MAPT: variants seen among roughly 807,000 people sequenced by gnomAD.
The protein encoded by MAPT is microtubule-associated protein tau.
In MAPT, 34 loss-of-function variants were observed where a neutral mutation model predicts 67.9. The observed-to-expected ratio is 0.50, with a 90% CI of 0.38 to 0.67. The LOEUF (loss-of-function observed/expected upper bound fraction) is 0.67, where lower values mean the gene tolerates loss of function less well. Ranked by LOEUF, MAPT falls within the 30% of genes least tolerant of loss-of-function variation. The pLI is 0.00. For synonymous variants in MAPT, 456 were observed against 464.5 expected (o/e 0.98, Z 0.23); for missense variants, 881 against 1,115.2 (o/e 0.79, Z 2.99).
chr17:45,981,894 T>C (rs1055308508), intron 4 of MAPT, among the ~76,000 whole-genome samples: 1 of 151,652 alleles, frequency 6.6e-6, no homozygotes, highest in African/African-American at 2.4e-5. Context: ...GTGGCATGCA[T>C]CTGTGGTCCC....
intron 1 of MAPT, among the ~76,000 whole-genome samples, chr17:45,958,512 G>A (rs949400745): frequency 2.6e-5 from 4 of 152,242 alleles, no homozygotes; most frequent in African/African-American, 7.2e-5. Context: ...TTGATCCCAG[G>A]AGTTCCAACA....
At chr17:45,946,615 A>AAAAAAAAAAAATAT in intron 1 of MAPT, among the ~76,000 whole-genome samples, 2 of 100,406 alleles carry the variant, frequency 2.0e-5, no homozygotes, top group African/African-American at 8.7e-5. Flanking sequence ...AAAAAAAAAA[A>AAAAAAAAAAAATAT]ATATATATAT....
At chr17:46,023,803 C>T (rs956432269) in intron 12 of MAPT, among the ~76,000 whole-genome samples, 153 bp from the exon 13 acceptor site, 2 of 152,114 alleles carry the variant, frequency 1.3e-5, no homozygotes, top group African/African-American at 4.8e-5. Flanking sequence ...ATTGTGCCAC[C>T]GCACTCTAGC....
At chr17:45,960,835 AG>A (rs1322609086) in intron 1 of MAPT, among the ~76,000 whole-genome samples, 1 of 47,956 alleles carries the variant, frequency 2.1e-5, no homozygotes, top group Non-Finnish European at 5.2e-5. Context: ...GATTATTCAC[AG>A]GGGCCAAAAA....
intron 9 of MAPT, chr17:45,999,349 C>A (rs574221726): frequency 1.2e-6 from 2 of 1,614,010 alleles, no homozygotes; most frequent in African/African-American, 2.7e-5. Flanking sequence ...GTGGCCGGCC[C>A]TCATTGAATG....
intron 4 of MAPT, among the ~76,000 whole-genome samples, chr17:45,982,350 G>A (rs1165641240): frequency 2.4e-5 from 3 of 124,534 alleles, no homozygotes; most frequent in African/African-American, 8.9e-5. Context: ...GGGGGGCGGG[G>A]GCAGGAGAAC....
chr17:46,026,078 A>C lies in MAPT; in HGVS notation c.*1907A>C, dbSNP rs2076793313. ...GCTTGGATTCACCAGAGTGACTATG[A>C]TAGTGAAAAGAAAAAAAAAAAAAAA... is the stretch of plus-strand genomic sequence containing the variant. On this transcript the variant is annotated 3_prime_UTR_variant, in exon 13 of 13. Coordinates refer to ENST00000262410, the MANE Select transcript of MAPT (RefSeq NM_001377265.1). 7.6e-6 allele frequency: 1 copy of C among 131,542 alleles called. No homozygotes were observed. Among genetic ancestry groups the C allele is most frequent in the Non-Finnish European group, 1.7e-5 (1 of 59,654 alleles). 8.1% of individuals were successfully genotyped at this position (131,542 alleles called of 1,614,324 possible).
chr17:46,001,532 G>A (rs1009615828), intron 9 of MAPT, among the ~76,000 whole-genome samples: 34 of 152,116 alleles, frequency 2.2e-4, no homozygotes, highest in Admixed American at 5.9e-4. Flanking sequence ...GCGCGGTGGC[G>A]CATGCCTGTA....
rs1290072105 is a variant in MAPT, at chr17:46,001,812, A to C, written c.1998+5148A>C. Among the ~76,000 whole-genome samples the C allele has an allele frequency of 9.8e-5, 15 of 152,306 alleles. No homozygotes were observed. In the East Asian group the frequency reaches 2.7e-3, roughly 27 times the overall value. On this transcript the variant is annotated intron_variant, in intron 9 of 12. Coordinates refer to ENST00000262410, the MANE Select transcript of MAPT (RefSeq NM_001377265.1). ...CCAGGGGACAGGGGCAGGTGAGCAG[A>C]GAAACAGGGCCAGTCACAGCAGCAG...
intron 4 of MAPT, chr17:45,980,651 G>T (rs77527347): frequency 0.14 from 21,947 of 151,860 alleles, 2,126 homozygotes; most frequent in Non-Finnish European, 0.22. Context: ...TACTATTTAC[G>T]TTTGGGGTCC....
chr17:45,949,595 C>T (rs1467034768), intron 1 of MAPT, among the ~76,000 whole-genome samples: 1 of 152,210 alleles, frequency 6.6e-6, no homozygotes, highest in Non-Finnish European at 1.5e-5. Context: ...TCAGTTTCCT[C>T]ATCATTCCTT....
At chr17:45,913,357 C>T (rs2064937770) in intron 1 of MAPT, among the ~76,000 whole-genome samples, 1 of 152,228 alleles carries the variant, frequency 6.6e-6, no homozygotes. Context: ...GATTCAGTTA[C>T]TTCCCACCAG....
intron 1 of MAPT, among the ~76,000 whole-genome samples, chr17:45,905,564 C>G (rs1227413931): frequency 6.6e-6 from 1 of 152,072 alleles, no homozygotes; most frequent in Non-Finnish European, 1.5e-5. Flanking sequence ...AATAAAAAGA[C>G]TTTTAAAAAG....
intron 1 of MAPT, among the ~76,000 whole-genome samples, chr17:45,911,259 A>G (rs1261381659): frequency 2.0e-5 from 3 of 152,224 alleles, no homozygotes; most frequent in African/African-American, 4.8e-5. Flanking sequence ...GGCATAGCGC[A>G]TGGCACAGAA....
chr17:45,993,622 C>G (rs1274079550), intron 8 of MAPT, among the ~76,000 whole-genome samples: 2 of 152,228 alleles, frequency 1.3e-5, no homozygotes, highest in Non-Finnish European at 2.9e-5. Context: ...CCATTTTGGC[C>G]AGCCTAGTCT....
chr17:46,008,731 A>G (rs1598374756), intron 9 of MAPT, among the ~76,000 whole-genome samples: 2 of 152,208 alleles, frequency 1.3e-5, no homozygotes, highest in African/African-American at 4.8e-5. Context: ...TTCCAACCCC[A>G]GATCCGACAG....
In MAPT at chr17:46,024,086, C is replaced by G; in HGVS notation, c.2417C>G (p.Thr806Ser). The G allele has an allele frequency of 1.2e-6, 2 of 1,614,170 alleles. No individual in the cohort carries two copies. The highest frequency in any genetic ancestry group is 1.7e-6 in the Non-Finnish European group (2 of 1,180,034). ...CGGCATCTCAGCAATGTCTCCTCCA[C>G]CGGCAGCATCGACATGGTAGACTCG... ...SPRHLSNVSS[T>S]GSIDMVDSPQ... is the part of the protein sequence containing the mutation. The change falls in exon 13 of 13, where the codon ACC becomes AGC. Residue 806 changes from threonine to serine, a missense_variant. Thr to Ser is a moderately conservative substitution (Grantham distance 58). Around this residue, in one of 6 missense-constraint regions of MAPT, gnomAD observed 79 missense variants for 150.9 expected, o/e 0.52. Transcript: ENST00000262410.
chr17:45,907,498 C>T (rs79492906), intron 1 of MAPT, among the ~76,000 whole-genome samples: 21,837 of 152,198 alleles, frequency 0.14, 2,140 homozygotes, highest in Middle Eastern at 0.22. Context: ...TTTCCTTCTC[C>T]AGTCACAGAG....
intron 1 of MAPT, among the ~76,000 whole-genome samples, chr17:45,917,891 G>A (rs775223037): frequency 1.1e-4 from 16 of 151,734 alleles, no homozygotes; most frequent in Non-Finnish European, 1.6e-4. Context: ...CTCATGTCTC[G>A]GCCTCCCGAG....
Sources: allele counts gnomAD v4.1 joint callset (sites outside exome capture counted in the v4.1 genomes callset), GRCh38; gene constraint gnomAD v4.1.1; regional missense constraint gnomAD v4.1.1; transcripts MANE v1.5; gene names NCBI Gene and HGNC (gene_info 2026-07-23, HGNC 2026-07-21).